The following SUGCT variants were observed in gnomAD, a reference collection of about 807,000 sequenced individuals.
SUGCT encodes succinyl-CoA:glutarate-CoA transferase, also known as succinyl-CoA:glutarate CoA-transferase.
Under a neutral mutation model 55.0 loss-of-function variants are expected in SUGCT, and 41 were observed. The ratio of observed to expected loss-of-function variants is 0.74; its 90% confidence interval spans 0.58 to 0.97. The LOEUF is 0.97. SUGCT is among the 50% of genes least tolerant of loss of function. SUGCT has a pLI of 0.00. For synonymous variants in SUGCT, 187 were observed against 200.4 expected, an observed-to-expected ratio of 0.93 and a Z score of 0.56; for missense variants, 568 against 547.8, an observed-to-expected ratio of 1.04 and a Z score of -0.37.
chr7:40,149,129 G>A (rs1043849839), intron 1 of SUGCT, among the ~76,000 whole-genome samples: 1 of 152,046 alleles, frequency 6.6e-6, no homozygotes, highest in Non-Finnish European at 1.5e-5. Context: ...CAGTTTTTGA[G>A]TCCCAACACA....
At chr7:40,535,067 C>T (rs915968794) in intron 12 of SUGCT, among the ~76,000 whole-genome samples, 8 of 152,064 alleles carry the variant, frequency 5.3e-5, no homozygotes, top group Admixed American at 5.2e-4. Flanking sequence ...TATCATTTAT[C>T]TAAATATAAA....
At chr7:40,429,618 T>C (rs993144949) in intron 9 of SUGCT, among the ~76,000 whole-genome samples, 2 of 152,166 alleles carry the variant, frequency 1.3e-5, no homozygotes, top group African/African-American at 4.8e-5. Flanking sequence ...GCCAGGAGAC[T>C]CAGCCAGTTT....
intron 12 of SUGCT, among the ~76,000 whole-genome samples, chr7:40,702,192 T>C (rs1327988505): frequency 6.6e-6 from 1 of 152,216 alleles, no homozygotes; most frequent in Admixed American, 6.5e-5. Flanking sequence ...TAAGTGGTGA[T>C]AGAGAGATAG....
chr7:40,902,756 C>T, the SUGCT span, among the ~76,000 whole-genome samples: 14 of 152,128 alleles, frequency 9.2e-5, no homozygotes, highest in African/African-American at 3.4e-4. Context: ...CTCTCTGTCT[C>T]TGTAAGTCTA....
At chr7:40,339,242 T>C (rs79202064) in intron 9 of SUGCT, among the ~76,000 whole-genome samples, 2,312 of 152,268 alleles carry the variant, frequency 0.015, 47 homozygotes, top group South Asian at 0.06. Flanking sequence ...TCTCAAACTC[T>C]GTGTTGGGAG....
chr7:40,853,112 G>C (rs891756934), intron 13 of SUGCT, among the ~76,000 whole-genome samples: 2 of 151,078 alleles, frequency 1.3e-5, no homozygotes, highest in African/African-American at 4.9e-5. Flanking sequence ...AATTCCAGAA[G>C]AGTAGGGTCC....
chr7:40,623,410 T>G (rs1264598247), intron 12 of SUGCT, among the ~76,000 whole-genome samples: 1 of 152,206 alleles, frequency 6.6e-6, no homozygotes, highest in Non-Finnish European at 1.5e-5. Flanking sequence ...TGCCCTTAAT[T>G]TCACATGGCT....
chr7:40,499,986 A>G (rs938090704), intron 12 of SUGCT, among the ~76,000 whole-genome samples: 15 of 152,220 alleles, frequency 9.9e-5, no homozygotes, highest in Admixed American at 8.5e-4. Flanking sequence ...AATAGAAACT[A>G]TTCAAATTCC....
chr7:40,398,515 C>CTTTTTTTTTTTTTTTTTTTATTTT (rs138325012), intron 9 of SUGCT, among the ~76,000 whole-genome samples: 1 of 130,936 alleles, frequency 7.6e-6, no homozygotes. Context: ...ACTTTACTGG[C>CTTTTTTTTTTTTTTTTTTTATTTT]TTTTTTTTTT....
chr7:40,533,459 A>G (rs944726466), intron 12 of SUGCT, among the ~76,000 whole-genome samples: 3 of 152,078 alleles, frequency 2.0e-5, no homozygotes, highest in Non-Finnish European at 1.5e-5. Context: ...ATCTTGTTTT[A>G]TGTTTTTACA....
chr7:40,854,272 CT>C (rs1324852408), intron 13 of SUGCT, among the ~76,000 whole-genome samples: 1 of 152,078 alleles, frequency 6.6e-6, no homozygotes, highest in African/African-American at 2.4e-5. Flanking sequence ...TTAGACTTTC[CT>C]TTTGAAGGCC....
chr7:40,894,141 C>G, the SUGCT span, among the ~76,000 whole-genome samples: 1 of 151,586 alleles, frequency 6.6e-6, no homozygotes, highest in African/African-American at 2.4e-5. Flanking sequence ...GGCACATAGA[C>G]CAGTGGAACA....
chr7:40,211,886 G>C (rs1787359294), intron 6 of SUGCT, among the ~76,000 whole-genome samples: 1 of 152,140 alleles, frequency 6.6e-6, no homozygotes, highest in Non-Finnish European at 1.5e-5. Context: ...GTGGGCACAA[G>C]ACTCACATTC....
chr7:40,930,734 G>T, the SUGCT span, among the ~76,000 whole-genome samples: 4 of 152,150 alleles, frequency 2.6e-5, no homozygotes, highest in Non-Finnish European at 4.4e-5. Context: ...TCTGTTATTG[G>T]TGTATAGGAA....
intron 9 of SUGCT, among the ~76,000 whole-genome samples, chr7:40,324,252 A>ATATATATATATATATATAT (rs1554311560): frequency 3.4e-5 from 4 of 117,650 alleles, no homozygotes; most frequent in African/African-American, 1.1e-4. Flanking sequence ...TAAATAAATA[A>ATATATATATATATATATAT]ATATATATAT....
chr7:40,627,358 G>A (rs910230378), intron 12 of SUGCT, among the ~76,000 whole-genome samples: 1 of 152,294 alleles, frequency 6.6e-6, no homozygotes, highest in Non-Finnish European at 1.5e-5. Flanking sequence ...TGGCCATTTG[G>A]TGTTCATCCC....
chr7:40,584,212 T>G (rs946594503), intron 12 of SUGCT, among the ~76,000 whole-genome samples: 5 of 152,162 alleles, frequency 3.3e-5, no homozygotes, highest in Admixed American at 1.3e-4. Context: ...TTCCATTTGT[T>G]GAGTGATCTT....
At chr7:40,475,055 C>T (rs1025972737) in intron 11 of SUGCT, among the ~76,000 whole-genome samples, 15 of 152,196 alleles carry the variant, frequency 9.9e-5, no homozygotes, top group Non-Finnish European at 1.8e-4. Context: ...CTATGTGCCA[C>T]GTTGACTTGC....
chr7:40,944,049 C>A, the SUGCT span, among the ~76,000 whole-genome samples: 1 of 151,878 alleles, frequency 6.6e-6, no homozygotes, highest in Non-Finnish European at 1.5e-5. Flanking sequence ...AGCATTTTTT[C>A]ATGTGTCTTT....
Sources: gnomAD v4.1 joint callset for allele counts (sites outside exome capture counted in the v4.1 genomes callset) on GRCh38, gnomAD v4.1.1 for gene constraint, MANE v1.5 for transcripts, NCBI Gene and HGNC (gene_info 2026-07-23, HGNC 2026-07-21) for gene names.